GSK3B: variants seen among roughly 807,000 people sequenced by gnomAD.
GSK3B encodes glycogen synthase kinase 3 beta, also known as glycogen synthase kinase-3 beta.
GSK3B carries 15 observed loss-of-function variants against 56.4 expected under a neutral mutation model. The observed-to-expected ratio is 0.27, with a 90% confidence interval of 0.18 to 0.41. The LOEUF (loss-of-function observed/expected upper bound fraction) is 0.41. Ranked by LOEUF, GSK3B falls within the 10% of genes least tolerant of loss-of-function variation. The pLI is 1.00. For missense variants in GSK3B, 300 were observed against 513.4 expected (o/e 0.58, Z 4.02); for synonymous variants, 181 against 188.9 (o/e 0.96, Z 0.34).
chr3:120,074,354 T>C (rs1437514474), intron 1 of GSK3B, among the ~76,000 whole-genome samples: 3,637 of 85,894 alleles, frequency 0.042, 142 homozygotes, highest in African/African-American at 0.22. Context: ...ATGAGAAACT[T>C]TTTTTTTTTT....
intron 1 of GSK3B, among the ~76,000 whole-genome samples, chr3:120,068,236 C>G (rs146591776): frequency 0.018 from 2,796 of 151,652 alleles, 92 homozygotes; most frequent in African/African-American, 0.065. Context: ...ACTAAAAATA[C>G]AAAAATTAGC....
chr3:119,864,615 A>G (rs2056152332), intron 8 of GSK3B, among the ~76,000 whole-genome samples: 1 of 152,236 alleles, frequency 6.6e-6, no homozygotes, highest in South Asian at 2.1e-4. Context: ...AAACGGACCC[A>G]CAAGTGAGAA....
intron 5 of GSK3B, 93 bp from the exon 6 acceptor site, chr3:119,912,903 T>C (rs1205590751): frequency 5.7e-6 from 3 of 525,600 alleles, no homozygotes; most frequent in Non-Finnish European, 6.9e-6. Context: ...TATCAAATGA[T>C]TTTATAAGAT....
chr3:120,082,245 C>CA (rs1392212312), intron 1 of GSK3B, among the ~76,000 whole-genome samples: 1 of 152,054 alleles, frequency 6.6e-6, no homozygotes, highest in African/African-American at 2.4e-5. Context: ...AAACCACACA[C>CA]ACCTTTTCTA....
intron 2 of GSK3B, among the ~76,000 whole-genome samples, chr3:119,959,894 C>G (rs1441345214): frequency 6.6e-6 from 1 of 151,956 alleles, no homozygotes; most frequent in East Asian, 1.9e-4. Context: ...TTGGCTCAAC[C>G]TTCAAAACTT....
At position 120,063,561 on chromosome 3, in the gene GSK3B, T is replaced by C. The variant is rs539345358; in HGVS notation, c.88+29786A>G. 7.9e-5 allele frequency among the ~76,000 whole-genome samples: 12 copies of C among 151,176 alleles called. No individual in the cohort carries two copies. The South Asian group carries it at 1.3e-3, about 16-fold the overall frequency. ...GGCCAACATGGTGAAACCCTGTCTC[T>C]ACTAAAAATACAAAAAATTAGCAGG... On this transcript the variant is annotated intron_variant, in intron 1 of 10. Transcript: ENST00000264235.
intron 1 of GSK3B, among the ~76,000 whole-genome samples, chr3:120,063,897 G>A (rs2058258238): frequency 6.6e-6 from 1 of 151,960 alleles, no homozygotes; most frequent in African/African-American, 2.4e-5. Context: ...TGAGGCATGA[G>A]AATCACTTGA....
At chr3:120,058,268 AACT>A (rs2058207686) in intron 1 of GSK3B, among the ~76,000 whole-genome samples, 2 of 152,148 alleles carry the variant, frequency 1.3e-5, no homozygotes, top group South Asian at 4.1e-4. Flanking sequence ...TATTTTATTT[AACT>A]ACTATGTAAA....
At chr3:119,829,495 G>A (rs1400001526) in intron 10 of GSK3B, among the ~76,000 whole-genome samples, 1 of 152,218 alleles carries the variant, frequency 6.6e-6, no homozygotes, top group African/African-American at 2.4e-5. Flanking sequence ...CAGCACCCAT[G>A]CCAACATGGA....
chr3:119,938,818 G>T (rs966666203), intron 3 of GSK3B, among the ~76,000 whole-genome samples: 6 of 151,702 alleles, frequency 4.0e-5, no homozygotes, highest in Non-Finnish European at 8.8e-5. Context: ...TTAATATCTG[G>T]GCTGAGCCTA....
At chr3:119,929,082 G>C (rs965172873) in intron 3 of GSK3B, among the ~76,000 whole-genome samples, 3 of 152,164 alleles carry the variant, frequency 2.0e-5, no homozygotes, top group African/African-American at 2.4e-5. Flanking sequence ...TTCTTGTAAA[G>C]TAAGAGATAA....
At position 119,854,986 on chromosome 3, in the gene GSK3B, T is replaced by C. The variant is rs762670050; in HGVS notation, c.1096+8433A>G. Among the ~76,000 whole-genome samples the C allele has an allele frequency of 4.9e-4, 75 of 152,222 alleles. 1 individual carries two copies. Among genetic ancestry groups the C allele is most frequent in the Non-Finnish European group, 1.0e-3 (68 of 68,034 alleles). The stretch of plus-strand genomic sequence containing the variant: ...TCTTTTGAACGTGTTTGCTCTTGCT[T>C]CTCTAGTTCTTTTAATTGTGATGTT... On this transcript the variant is annotated intron_variant, in intron 9 of 10. Coordinates refer to ENST00000264235, the MANE Select transcript of GSK3B (RefSeq NM_001146156.2).
chr3:119,954,241 A>ATAGAG (rs2057187770), intron 2 of GSK3B, among the ~76,000 whole-genome samples: 1 of 96,000 alleles, frequency 1.0e-5, no homozygotes, highest in Non-Finnish European at 2.3e-5. Flanking sequence ...ATAGAATAGA[A>ATAGAG]TAGAATAGAA....
rs578234700 is a variant in GSK3B, at chr3:120,069,147, G to A, written c.88+24200C>T. On this transcript the variant is annotated intron_variant, in intron 1 of 10. Coordinates refer to ENST00000264235, the MANE Select transcript of GSK3B (RefSeq NM_001146156.2). ...GGCTGTCTGCTGCTCCTCTAAAAAT[G>A]TCCTGACAGGGACGAAGAGTATTTT... Among the ~76,000 whole-genome samples the A allele has an allele frequency of 3.9e-5, 6 of 152,286 alleles. No individual in the cohort carries two copies. The South Asian group carries it at 6.2e-4, about 16-fold the overall frequency.
intron 2 of GSK3B, among the ~76,000 whole-genome samples, chr3:119,974,826 C>T (rs532936956): frequency 6.6e-6 from 1 of 152,298 alleles, no homozygotes; most frequent in East Asian, 1.9e-4. Flanking sequence ...ACTGACATCA[C>T]CAAAGGACGG....
intron 2 of GSK3B, among the ~76,000 whole-genome samples, chr3:119,980,861 T>C (rs1347472881): frequency 3.9e-5 from 6 of 152,196 alleles, no homozygotes; most frequent in African/African-American, 1.4e-4. Flanking sequence ...TCTTATATGG[T>C]AAATTCTTGT....
At chr3:119,878,220 A>C (rs2056337222) in intron 7 of GSK3B, among the ~76,000 whole-genome samples, 1 of 152,202 alleles carries the variant, frequency 6.6e-6, no homozygotes, top group Non-Finnish European at 1.5e-5. Flanking sequence ...TATTTGCAAA[A>C]TATATTCTGC....
intron 7 of GSK3B, among the ~76,000 whole-genome samples, chr3:119,892,669 T>C (rs952209283): frequency 2.6e-5 from 4 of 152,200 alleles, no homozygotes; most frequent in African/African-American, 9.6e-5. Flanking sequence ...ATGTAGTTAA[T>C]GTGGTATGCA....
chr3:120,066,688 G>A (rs1261615712), intron 1 of GSK3B, among the ~76,000 whole-genome samples: 1 of 152,100 alleles, frequency 6.6e-6, no homozygotes, highest in Non-Finnish European at 1.5e-5. Context: ...ATCTAGATTG[G>A]GGTCAGCACA....
Sources: allele counts gnomAD v4.1 joint callset (sites outside exome capture counted in the v4.1 genomes callset), GRCh38; gene constraint gnomAD v4.1.1; transcripts MANE v1.5; gene names NCBI Gene and HGNC (gene_info 2026-07-23, HGNC 2026-07-21).